The following TAFA5 variants were observed in gnomAD, a reference collection of about 807,000 sequenced individuals.
TAFA5 encodes the protein TAFA chemokine like family member 5.
Under a neutral mutation model 15.3 loss-of-function variants are expected in TAFA5, and 6 were observed. The observed-to-expected ratio is 0.39, with a 90% CI of 0.21 to 0.77. The LOEUF is 0.77. TAFA5 is among the 30% of genes least tolerant of loss of function. TAFA5 has a pLI of 0.41. For synonymous variants in TAFA5, 103 were observed against 80.7 expected (o/e 1.28, Z -1.48); for missense variants, 161 against 193.1 (o/e 0.83, Z 0.98).
At position 48,609,720 on chromosome 22, in the gene TAFA5, C is replaced by T. The variant is rs557820654; in HGVS notation, c.113-36877C>T. Among the ~76,000 whole-genome samples, 118 of 152,296 alleles carry T rather than the reference C, an allele frequency of 7.7e-4. No individual in the cohort carries two copies. In the South Asian group the frequency reaches 0.022, roughly 29 times the overall value. On this transcript the variant is annotated intron_variant, in intron 1 of 3. Coordinates refer to ENST00000402357, the MANE Select transcript of TAFA5 (RefSeq NM_001082967.3). ...AGCCTCTACACGACTGGTGTGGAGC[C>T]GCCCGTGCTTCTGGAGGCCGGGGGT...
intron 1 of TAFA5, among the ~76,000 whole-genome samples, chr22:48,602,313 G>A (rs527422889): frequency 2.0e-5 from 3 of 152,232 alleles, no homozygotes; most frequent in Non-Finnish European, 4.4e-5. Context: ...AAGCACACCA[G>A]TTAGCAGGTC....
chr22:48,686,899 AATGGATGG>A (rs55750601), intron 2 of TAFA5, among the ~76,000 whole-genome samples: 29,202 of 136,164 alleles, frequency 0.21, 3,088 homozygotes, highest in African/African-American at 0.25. Context: ...TTGATGGTTG[AATGGATGG>A]ATGGATGGAT....
chr22:48,607,212 C>G (rs111594331), intron 1 of TAFA5, among the ~76,000 whole-genome samples: 4 of 150,728 alleles, frequency 2.7e-5, no homozygotes, highest in Admixed American at 6.6e-5. Flanking sequence ...TCCCAGGTAC[C>G]TCAGCCTGGA....
At chr22:48,622,433 G>A (rs1284044464) in intron 1 of TAFA5, among the ~76,000 whole-genome samples, 2 of 152,220 alleles carry the variant, frequency 1.3e-5, no homozygotes, top group Admixed American at 6.5e-5. Flanking sequence ...TTGCAGTGGG[G>A]AGAGATTGCA....
intron 3 of TAFA5, among the ~76,000 whole-genome samples, chr22:48,716,567 A>C (rs1347164650): frequency 2.0e-5 from 3 of 152,200 alleles, no homozygotes; most frequent in Non-Finnish European, 4.4e-5. Context: ...TACCTAATGC[A>C]TGTGGGGCTT....
rs537964033 is a variant in TAFA5 at position 48,669,838 on chromosome 22, G to A, written c.262+23092G>A. 3.9e-5 allele frequency among the ~76,000 whole-genome samples: 6 copies of A among 152,354 alleles called. No homozygotes were observed. In the South Asian group the frequency reaches 1.0e-3, roughly 26 times the overall value. On this transcript the variant is annotated intron_variant, in intron 2 of 3. Coordinates refer to ENST00000402357, the MANE Select transcript of TAFA5 (RefSeq NM_001082967.3). ...GAGACGTCAGTGCTTTCTGGCCCTC[G>A]CATATGAAGGCTATTGCAAAGCTGA...
chr22:48,729,893 C>G (rs1020099207), intron 3 of TAFA5, among the ~76,000 whole-genome samples: 8 of 152,070 alleles, frequency 5.3e-5, no homozygotes, highest in Middle Eastern at 6.8e-3. Context: ...GTGGGCCAGG[C>G]ACCGTGTCAG....
chr22:48,575,516 C>T (rs966984433), intron 1 of TAFA5, among the ~76,000 whole-genome samples: 2 of 145,808 alleles, frequency 1.4e-5, no homozygotes, highest in Non-Finnish European at 3.0e-5. Context: ...AGCGGGCGGG[C>T]GCGCGCCTCC....
chr22:48,702,415 C>A (rs1045884529), intron 2 of TAFA5, among the ~76,000 whole-genome samples: 4 of 152,072 alleles, frequency 2.6e-5, no homozygotes, highest in African/African-American at 7.2e-5. Flanking sequence ...CACTCTGAGA[C>A]GCACTCCTAT....
At chr22:48,497,379 A>G in intron 1 of TAFA5, among the ~76,000 whole-genome samples, 1 of 151,980 alleles carries the variant, frequency 6.6e-6, no homozygotes, top group Non-Finnish European at 1.5e-5. Flanking sequence ...CTGTTTCTGC[A>G]CTCGTAGAAC....
Position 48,671,331 on chromosome 22 carries a change from C to G in TAFA5, c.262+24585C>G, listed in dbSNP as rs150498298. Among the ~76,000 whole-genome samples, 565 of 152,346 alleles carry G rather than the reference C, an allele frequency of 3.7e-3. 5 individuals are homozygous for G. Among genetic ancestry groups the G allele is most frequent in the African/African-American group, 0.013 (527 of 41,586 alleles). ...GCCCCTGGCCTGGAAGCCCCACCAG[C>G]CCTTTCACCTGTCTTTCTCTGCTCA... is the stretch of plus-strand genomic sequence containing the variant. On this transcript the variant is annotated intron_variant, in intron 2 of 3. Coordinates refer to ENST00000402357, the MANE Select transcript of TAFA5 (RefSeq NM_001082967.3).
chr22:48,608,331 C>G (rs1270263301), intron 1 of TAFA5, among the ~76,000 whole-genome samples: 1 of 152,222 alleles, frequency 6.6e-6, no homozygotes, highest in African/African-American at 2.4e-5. Context: ...ATACCTCCTT[C>G]CAGTCCTTTT....
intron 1 of TAFA5, among the ~76,000 whole-genome samples, chr22:48,636,706 A>G (rs558985377): frequency 6.6e-6 from 1 of 152,244 alleles, no homozygotes; most frequent in South Asian, 2.1e-4. Context: ...TCCGAACCCC[A>G]GGAGCCCCCA....
intron 1 of TAFA5, among the ~76,000 whole-genome samples, chr22:48,575,899 G>C (rs2147141305): frequency 7.0e-6 from 1 of 143,692 alleles, no homozygotes; most frequent in Non-Finnish European, 1.5e-5. Context: ...CGGCGCGGCG[G>C]CCCCCTGAGC....
Position 48,750,126 on chromosome 22 carries a change from CGA to C in TAFA5, c.*280_*281del. 4 of 498,432 alleles carry C rather than the reference CGA, an allele frequency of 8.0e-6. No homozygotes were observed. Among genetic ancestry groups the C allele is most frequent in the Non-Finnish European group, 3.6e-6 (1 of 277,090 alleles). 30.9% of individuals were successfully genotyped at this position (498,432 alleles called of 1,614,324 possible). A position where few individuals can be genotyped will look rare whatever the true frequency, so the allele number is the denominator to read the frequency against. On this transcript the variant is annotated 3_prime_UTR_variant, in exon 4 of 4. Coordinates refer to ENST00000402357, the MANE Select transcript of TAFA5 (RefSeq NM_001082967.3). ...GAGCCCGGCCGCGCCCAGCCCCCGC[CGA>C]CCGTGGCGTTGGCCCTGCTGTCCTC...
intron 3 of TAFA5, among the ~76,000 whole-genome samples, chr22:48,716,116 G>A (rs1222949684): frequency 6.6e-6 from 1 of 152,008 alleles, no homozygotes; most frequent in African/African-American, 2.4e-5. Context: ...TATCTGTTTC[G>A]GTACCAGTAC....
chr22:48,584,022 C>G (rs539227931), intron 1 of TAFA5, among the ~76,000 whole-genome samples: 6 of 146,558 alleles, frequency 4.1e-5, no homozygotes, highest in Middle Eastern at 3.7e-3. Context: ...ACACACCACA[C>G]GCCACACACC....
rs117632361 is a variant in TAFA5 at position 48,651,308 on chromosome 22, A to T, written c.262+4562A>T. ...GGATGGTAAACTGCAGTCATGGCAC[A>T]GCGCAGACCCATTGTCAGGGCCGCA... On this transcript the variant is annotated intron_variant, in intron 2 of 3. Transcript: ENST00000402357. Among the ~76,000 whole-genome samples, 430 of 152,312 alleles carry T rather than the reference A, an allele frequency of 2.8e-3. 15 individuals are homozygous for T. In the East Asian group the frequency reaches 0.067, roughly 24 times the overall value.
chr22:48,698,539 A>C (rs908409399), intron 2 of TAFA5, among the ~76,000 whole-genome samples: 2 of 151,154 alleles, frequency 1.3e-5, no homozygotes, highest in Non-Finnish European at 2.9e-5. Context: ...ACAGGGTTCT[A>C]CCCATGATGG....
Sources: allele counts gnomAD v4.1 joint callset (sites outside exome capture counted in the v4.1 genomes callset), GRCh38; gene constraint gnomAD v4.1.1; transcripts MANE v1.5; gene names NCBI Gene and HGNC (gene_info 2026-07-23, HGNC 2026-07-21).